Variants in SLC35F4 observed in about 807,000 individuals in gnomAD.
SLC35F4 encodes the protein solute carrier family 35 member F4, also known as chromosome 14 open reading frame 36.
In SLC35F4, 24 loss-of-function variants were observed where a neutral mutation model predicts 44.2. That is an observed-to-expected ratio of 0.54 (90% CI 0.39 to 0.76). The LOEUF is 0.76. Ranked by LOEUF, SLC35F4 falls within the 30% of genes least tolerant of loss-of-function variation. SLC35F4 has a pLI of 0.00. For synonymous variants in SLC35F4, 238 were observed against 223.6 expected, an observed-to-expected ratio of 1.06 and a Z score of -0.57; for missense variants, 562 against 586.1, an observed-to-expected ratio of 0.96 and a Z score of 0.42.
intron 1 of SLC35F4, among the ~76,000 whole-genome samples, chr14:57,686,596 T>C (rs2075075036): frequency 6.6e-6 from 1 of 152,146 alleles, no homozygotes; most frequent in Non-Finnish European, 1.5e-5. Context: ...AAGCATGCAG[T>C]TAGAAGATTG....
At chr14:57,724,305 G>A (rs2076152751) in intron 1 of SLC35F4, among the ~76,000 whole-genome samples, 1 of 152,184 alleles carries the variant, frequency 6.6e-6, no homozygotes, top group Non-Finnish European at 1.5e-5. Flanking sequence ...GGCTCCCATA[G>A]GTGAATCACA....
chr14:57,866,952 C>T (rs1000090773), upstream of SLC35F4, among the ~76,000 whole-genome samples: 1 of 107,276 alleles, frequency 9.3e-6, no homozygotes, highest in Admixed American at 1.1e-4. Flanking sequence ...GACACAGCTT[C>T]CTGCAAATAA....
intron 1 of SLC35F4, among the ~76,000 whole-genome samples, chr14:57,655,120 G>A (rs1297854876): frequency 1.3e-5 from 2 of 151,996 alleles, no homozygotes; most frequent in Non-Finnish European, 2.9e-5. Context: ...AGCTGGTGCT[G>A]AACCACCACT....
In SLC35F4 at chr14:57,921,029, T is replaced by C. The variant is rs1458920637; in HGVS notation, n.282+60884A>G. On this transcript the variant is annotated intron_variant and non_coding_transcript_variant, in intron 1 of 1. Transcript: ENST00000556568. Reference sequence around the variant, plus strand: ...GATTTCATGTTAATGTGTTCTCCTATTATTTTAGACACTCACCATCTTCAG... The same window carrying C: ...GATTTCATGTTAATGTGTTCTCCTACTATTTTAGACACTCACCATCTTCAG... Among the ~76,000 whole-genome samples, 109 of 152,366 alleles carry C rather than the reference T, an allele frequency of 7.2e-4. 1 individual carries two copies. The highest frequency in any genetic ancestry group is 5.9e-5 in the Non-Finnish European group (4 of 68,028).
chr14:57,923,917 A>G (rs1444921907), intron 1 of SLC35F4, among the ~76,000 whole-genome samples: 2 of 152,222 alleles, frequency 1.3e-5, no homozygotes, highest in East Asian at 3.8e-4. Flanking sequence ...AACTCCCACA[A>G]TTCCCACGTG....
intron 1 of SLC35F4, among the ~76,000 whole-genome samples, chr14:57,955,095 C>T (rs539604729): frequency 8.5e-5 from 13 of 152,160 alleles, no homozygotes; most frequent in South Asian, 2.1e-4. Context: ...TTATCCACCA[C>T]GATCAAGCTG....
intron 1 of SLC35F4, among the ~76,000 whole-genome samples, chr14:57,776,665 C>CAAAAAAAAAAA (rs57272978): frequency 1.1e-4 from 8 of 72,068 alleles, no homozygotes; most frequent in African/African-American, 3.7e-4. Context: ...GACTCCATCT[C>CAAAAAAAAAAA]AAAAAAAAAA....
rs142108714 is a variant in SLC35F4, at chr14:57,883,670, A to G, written n.282+98243T>C. On this transcript the variant is annotated intron_variant and non_coding_transcript_variant, in intron 1 of 1. Transcript: ENST00000556568. ...TCTATTTTGACTGAATTCCCACCCTATGGAATTTTGGCTTAATTGTCCTTG... is the reference window on the plus strand; with the variant it reads ...TCTATTTTGACTGAATTCCCACCCTGTGGAATTTTGGCTTAATTGTCCTTG... Among the ~76,000 whole-genome samples the G allele has an allele frequency of 5.0e-3, 761 of 152,300 alleles. 6 individuals are homozygous for G. The highest frequency in any genetic ancestry group is 0.017 in the African/African-American group (723 of 41,564).
intron 1 of SLC35F4, among the ~76,000 whole-genome samples, chr14:57,748,798 T>G (rs954992148): frequency 6.6e-6 from 1 of 152,184 alleles, no homozygotes; most frequent in African/African-American, 2.4e-5. Flanking sequence ...AAAAGCAATG[T>G]GTATAGTGTA....
At chr14:57,588,231 T>C (rs2069913636) in intron 3 of SLC35F4, among the ~76,000 whole-genome samples, 1 of 152,250 alleles carries the variant, frequency 6.6e-6, no homozygotes. Flanking sequence ...TCGTATAATG[T>C]ACCAGTTGTA....
chr14:57,827,898 C>T (rs1452330615), intron 1 of SLC35F4, among the ~76,000 whole-genome samples: 1 of 151,940 alleles, frequency 6.6e-6, no homozygotes, highest in African/African-American at 2.4e-5. Context: ...AAAGCATGAA[C>T]CTCAGCTGAA....
intron 1 of SLC35F4, among the ~76,000 whole-genome samples, chr14:57,782,402 T>C (rs1182619557): frequency 2.0e-5 from 3 of 151,426 alleles, no homozygotes; most frequent in Non-Finnish European, 4.4e-5. Context: ...AAAAGGCATG[T>C]CATGAATGTA....
At chr14:57,971,616 T>C (rs1881055886) in intron 1 of SLC35F4, among the ~76,000 whole-genome samples, 1 of 152,166 alleles carries the variant, frequency 6.6e-6, no homozygotes, top group Admixed American at 6.5e-5. Flanking sequence ...AGGACTATGC[T>C]AAGTAAAATA....
chr14:57,887,125 T>C (rs766510006), intron 1 of SLC35F4, among the ~76,000 whole-genome samples: 11 of 152,164 alleles, frequency 7.2e-5, no homozygotes, highest in Admixed American at 6.5e-5. Flanking sequence ...AGAAATCATC[T>C]TTTCCCTGAG....
intron 1 of SLC35F4, among the ~76,000 whole-genome samples, chr14:57,728,903 T>C (rs2076280107): frequency 2.6e-5 from 4 of 152,208 alleles, no homozygotes; most frequent in African/African-American, 4.8e-5. Context: ...TTCTCCTTCA[T>C]GCTCAAAGAA....
At chr14:57,688,427 C>G (rs1294916206) in intron 1 of SLC35F4, among the ~76,000 whole-genome samples, 1 of 152,052 alleles carries the variant, frequency 6.6e-6, no homozygotes, top group South Asian at 2.1e-4. Flanking sequence ...ATGGCATCAC[C>G]ATAAGACAGC....
At chr14:57,704,163 A>G (rs913646442) in intron 1 of SLC35F4, among the ~76,000 whole-genome samples, 8 of 152,184 alleles carry the variant, frequency 5.3e-5, no homozygotes, top group African/African-American at 1.9e-4. Context: ...TTATTGCTTG[A>G]CCTTGAGTAA....
At chr14:57,936,046 C>A (rs892274975) in intron 1 of SLC35F4, among the ~76,000 whole-genome samples, 1 of 152,206 alleles carries the variant, frequency 6.6e-6, no homozygotes, top group African/African-American at 2.4e-5. Context: ...GAATTACAGA[C>A]ACGCTGAATA....
chr14:57,668,214 T>C (rs1252073003), intron 1 of SLC35F4, among the ~76,000 whole-genome samples: 7 of 151,376 alleles, frequency 4.6e-5, no homozygotes, highest in Non-Finnish European at 1.0e-4. Context: ...GAGTTCATTG[T>C]AGATTCTGGA....
Sources: allele counts gnomAD v4.1 joint callset (sites outside exome capture counted in the v4.1 genomes callset), GRCh38; gene constraint gnomAD v4.1.1; transcripts MANE v1.5; gene names NCBI Gene and HGNC (gene_info 2026-07-23, HGNC 2026-07-21).